The following ZNG1E variants were observed in gnomAD, a reference collection of about 807,000 sequenced individuals.
The protein encoded by ZNG1E is zinc-regulated GTPase metalloprotein activator 1E.
chr9:65,690,971 A>G, the ZNG1E span: 22 of 1,603,224 alleles, frequency 1.4e-5, no homozygotes, highest in Non-Finnish European at 1.8e-5. Flanking sequence ...TTTCAGGTGC[A>G]GTGACTTCTA....
chr9:65,680,957 T>A, the ZNG1E span, among the ~76,000 whole-genome samples: 1 of 152,194 alleles, frequency 6.6e-6, no homozygotes, highest in Admixed American at 6.6e-5. Context: ...CCTGGCTAAT[T>A]TTTTGTAATT....
At chr9:65,689,368 C>A in the ZNG1E span, among the ~76,000 whole-genome samples, 10 of 49,324 alleles carry the variant, frequency 2.0e-4, 3 homozygotes, top group Admixed American at 1.7e-3. Context: ...ACATCCCTGG[C>A]TTCTACCCAC....
At chr9:65,657,820 T>C in the ZNG1E span, among the ~76,000 whole-genome samples, 1 of 152,286 alleles carries the variant, frequency 6.6e-6, no homozygotes, top group Non-Finnish European at 1.5e-5. Context: ...TTAAAATGCC[T>C]GCCGGGCACA....
At chr9:65,714,258 A>C in the ZNG1E span, among the ~76,000 whole-genome samples, 1 of 149,236 alleles carries the variant, frequency 6.7e-6, no homozygotes, top group East Asian at 1.9e-4. Context: ...TACATTCTTC[A>C]AAATTTTTTC....
chr9:65,722,432 T>C, the ZNG1E span, among the ~76,000 whole-genome samples: 1 of 75,670 alleles, frequency 1.3e-5, no homozygotes, highest in Non-Finnish European at 2.5e-5. Flanking sequence ...TTGTTTCTTT[T>C]GGTTTTGGTT....
At chr9:65,667,261 T>C in the ZNG1E span, among the ~76,000 whole-genome samples, 1 of 152,044 alleles carries the variant, frequency 6.6e-6, no homozygotes, top group Non-Finnish European at 1.5e-5. Flanking sequence ...TATTGTATAC[T>C]GCTGCCAAAA....
At chr9:65,685,226 C>G in the ZNG1E span, among the ~76,000 whole-genome samples, 3 of 152,260 alleles carry the variant, frequency 2.0e-5, no homozygotes, top group Non-Finnish European at 4.4e-5. Context: ...GGTCTTGTCA[C>G]AATGTTGATG....
the ZNG1E span, among the ~76,000 whole-genome samples, chr9:65,712,657 G>T: frequency 8.2e-5 from 10 of 121,586 alleles, no homozygotes; most frequent in African/African-American, 2.6e-4. Flanking sequence ...CCATGTAGTT[G>T]AGCGGTTTTG....
chr9:65,657,166 T>C, the ZNG1E span, among the ~76,000 whole-genome samples: 1 of 152,100 alleles, frequency 6.6e-6, no homozygotes, highest in African/African-American at 2.4e-5. Flanking sequence ...TGGAGGTTCC[T>C]GTAAAGACTA....
the ZNG1E span, among the ~76,000 whole-genome samples, chr9:65,698,875 T>C: frequency 5.0e-5 from 7 of 138,866 alleles, no homozygotes; most frequent in Non-Finnish European, 9.2e-5. Flanking sequence ...AGATTTTTTA[T>C]ATATATATAT....
chr9:65,691,540 T>C, the ZNG1E span, among the ~76,000 whole-genome samples: 1 of 152,248 alleles, frequency 6.6e-6, no homozygotes, highest in Non-Finnish European at 1.5e-5. Flanking sequence ...TGGAACTCGA[T>C]GTCACTCAAC....
the ZNG1E span, among the ~76,000 whole-genome samples, chr9:65,665,072 G>A: frequency 8.5e-5 from 13 of 152,382 alleles, no homozygotes; most frequent in East Asian, 1.5e-3. Context: ...AAAATTTGCA[G>A]CCTGACAATG....
chr9:65,657,043 A>AAAGC, the ZNG1E span, among the ~76,000 whole-genome samples: 38 of 152,034 alleles, frequency 2.5e-4, no homozygotes, highest in Admixed American at 5.3e-4. Context: ...GGTAGAGACC[A>AAAGC]AAGCAAACAA....
chr9:65,658,073 T>C, the ZNG1E span, among the ~76,000 whole-genome samples: 1 of 146,484 alleles, frequency 6.8e-6, no homozygotes, highest in Admixed American at 7.1e-5. Context: ...CACTCCAGCC[T>C]GGGCAACAAG....
At chr9:65,665,774 C>G in the ZNG1E span, among the ~76,000 whole-genome samples, 2 of 131,152 alleles carry the variant, frequency 1.5e-5, no homozygotes, top group African/African-American at 5.6e-5. Flanking sequence ...CCATAGGAAC[C>G]AACCCCTTGC....
chr9:65,659,079 T>C, the ZNG1E span, among the ~76,000 whole-genome samples: 1 of 152,126 alleles, frequency 6.6e-6, no homozygotes, highest in Non-Finnish European at 1.5e-5. Context: ...GTGAAAATCC[T>C]ATGTGTTTCC....
At chr9:65,709,366 T>G in the ZNG1E span, among the ~76,000 whole-genome samples, 15,064 of 142,270 alleles carry the variant, frequency 0.11, 17 homozygotes, top group South Asian at 0.12. Flanking sequence ...TTTATTATTA[T>G]TATACTTTAA....
chr9:65,667,129 G>A, the ZNG1E span, among the ~76,000 whole-genome samples: 25 of 152,362 alleles, frequency 1.6e-4, no homozygotes, highest in Non-Finnish European at 3.5e-4. Context: ...CCCACCAGTG[G>A]TATTACCCAG....
the ZNG1E span, among the ~76,000 whole-genome samples, chr9:65,664,067 G>A: frequency 1.3e-5 from 2 of 152,152 alleles, no homozygotes; most frequent in Admixed American, 6.5e-5. Flanking sequence ...GAATCATACT[G>A]CATACTTATG....
Sources: allele counts gnomAD v4.1 joint callset (sites outside exome capture counted in the v4.1 genomes callset), GRCh38; gene constraint gnomAD v4.1.1; transcripts MANE v1.5; gene names NCBI Gene and HGNC (gene_info 2026-07-23, HGNC 2026-07-21).